The following WDR49 variants were observed in gnomAD, a reference collection of about 807,000 sequenced individuals.
WDR49 encodes WD repeat domain 49, also known as cilia- and flagella-associated protein 337.
WDR49 carries 107 observed loss-of-function variants against 119.5 expected under a neutral mutation model. The observed-to-expected ratio is 0.90, with a 90% confidence interval of 0.77 to 1.05. WDR49 has a LOEUF of 1.05. Among genes scored for constraint, WDR49 ranks in the 50% least tolerant of loss-of-function variants. The pLI is 0.00. For missense variants in WDR49, 1,240 were observed against 1,220.5 expected (o/e 1.02, Z -0.24); for synonymous variants, 425 against 418.8 (o/e 1.01, Z -0.18).
chr3:167,610,248 A>T (rs777329161), intron 5 of WDR49, among the ~76,000 whole-genome samples: 1 of 152,208 alleles, frequency 6.6e-6, no homozygotes, highest in Non-Finnish European at 1.5e-5. Context: ...AGGGTCCCCA[A>T]TTCCAAGACT....
chr3:167,634,082 T>C (rs1717503656), intron 2 of WDR49, among the ~76,000 whole-genome samples: 1 of 151,976 alleles, frequency 6.6e-6, no homozygotes, highest in African/African-American at 2.4e-5. Flanking sequence ...CCTTTATTAT[T>C]CCAGTAAACA....
chr3:167,579,529 C>T (rs1406112134), intron 7 of WDR49, among the ~76,000 whole-genome samples: 1 of 152,082 alleles, frequency 6.6e-6, no homozygotes, highest in Non-Finnish European at 1.5e-5. Flanking sequence ...TTGAACTAAC[C>T]TAGTCAGTCT....
At chr3:167,560,284 A>C in intron 8 of WDR49, 56 bp from the exon 9 acceptor site, 2 of 1,520,996 alleles carry the variant, frequency 1.3e-6, no homozygotes, top group Non-Finnish European at 1.8e-6. Flanking sequence ...TCAACCATTT[A>C]TATTTCAATA....
intron 2 of WDR49, 120 bp from the exon 3 acceptor site, chr3:167,627,412 A>G (rs1717182036): frequency 1.0e-6 from 1 of 992,560 alleles, no homozygotes; most frequent in African/African-American, 1.7e-5. Flanking sequence ...GAAAAGAAAA[A>G]TATTTTTTGC....
chr3:167,571,981 T>C (rs75419774), intron 8 of WDR49, among the ~76,000 whole-genome samples: 1,844 of 152,322 alleles, frequency 0.012, 28 homozygotes, highest in South Asian at 0.026. Flanking sequence ...AGAATCATAG[T>C]GATAACACAA....
At chr3:167,527,622 G>T (rs1752682289) in intron 15 of WDR49, among the ~76,000 whole-genome samples, 198 bp downstream of exon 15, 1 of 151,888 alleles carries the variant, frequency 6.6e-6, no homozygotes, top group South Asian at 2.1e-4. Context: ...CATGTCTCTG[G>T]TGTCTTCCAC....
At chr3:167,561,631 AG>A (rs1052562461) in intron 8 of WDR49, among the ~76,000 whole-genome samples, 2 of 152,152 alleles carry the variant, frequency 1.3e-5, no homozygotes, top group Admixed American at 1.3e-4. Flanking sequence ...GCAAGGGGCA[AG>A]TCAGGATTCA....
intron 18 of WDR49, among the ~76,000 whole-genome samples, chr3:167,488,676 G>T (rs1292066493): frequency 6.6e-6 from 1 of 152,020 alleles, no homozygotes; most frequent in Non-Finnish European, 1.5e-5. Flanking sequence ...ACAGTAGTTT[G>T]CTCAGATTAG....
At chr3:167,639,145 C>T (rs1462129944) in intron 2 of WDR49, among the ~76,000 whole-genome samples, 1 of 151,692 alleles carries the variant, frequency 6.6e-6, no homozygotes, top group Non-Finnish European at 1.5e-5. Context: ...ATAGTGCAGC[C>T]AACAGAGAAC....
At chr3:167,570,757 G>A (rs1239439675) in intron 8 of WDR49, among the ~76,000 whole-genome samples, 1 of 152,150 alleles carries the variant, frequency 6.6e-6, no homozygotes, top group Non-Finnish European at 1.5e-5. Flanking sequence ...TGATGATAAG[G>A]CCGGATGCAG....
At chr3:167,535,804 T>G (rs1396933433) in intron 11 of WDR49, among the ~76,000 whole-genome samples, 1 of 152,122 alleles carries the variant, frequency 6.6e-6, no homozygotes, top group Non-Finnish European at 1.5e-5. Flanking sequence ...GCAGCATTAT[T>G]CACAAAAGCC....
chr3:167,529,286 C>T lies in WDR49; in HGVS notation c.2219-47G>A, dbSNP rs370515020. 58 of 1,482,002 alleles carry T rather than the reference C, an allele frequency of 3.9e-5. 1 individual carries two copies. Among genetic ancestry groups the T allele is most frequent in the Middle Eastern group, 1.8e-4 (1 of 5,538 alleles). The allele number at this position is 1,482,002 out of a possible 1,614,324, so 91.8% of individuals were successfully genotyped here. ...TAACTAGAAAACTGAACAACAAATGCCAGAAATAACTTCTTCAGTGGCTTT... is the reference window on the plus strand; with the variant it reads ...TAACTAGAAAACTGAACAACAAATGTCAGAAATAACTTCTTCAGTGGCTTT... On this transcript the variant is annotated intron_variant, in intron 13 of 18. Coordinates refer to ENST00000682715, the MANE Select transcript of WDR49 (RefSeq NM_001366157.1).
chr3:167,637,157 G>C (rs1341759796), intron 2 of WDR49, among the ~76,000 whole-genome samples: 1 of 151,744 alleles, frequency 6.6e-6, no homozygotes, highest in African/African-American at 2.4e-5. Context: ...TCCATCTTCA[G>C]TTGATTTTTG....
chr3:167,535,510 C>T (rs1313989277), intron 11 of WDR49, among the ~76,000 whole-genome samples: 1 of 152,136 alleles, frequency 6.6e-6, no homozygotes, highest in Non-Finnish European at 1.5e-5. Context: ...CACTGATTAT[C>T]AGGGAAATAC....
intron 18 of WDR49, among the ~76,000 whole-genome samples, chr3:167,487,933 A>C (rs1269599347): frequency 6.6e-6 from 1 of 152,100 alleles, no homozygotes; most frequent in Non-Finnish European, 1.5e-5. Context: ...TAGGAAGGTA[A>C]ATTAGTTCAG....
intron 10 of WDR49, among the ~76,000 whole-genome samples, chr3:167,551,949 A>C (rs1169105599): frequency 6.6e-6 from 1 of 151,978 alleles, no homozygotes; most frequent in East Asian, 1.9e-4. Context: ...AGTTAAGAGA[A>C]ATGTCCTGGC....
At chr3:167,500,324 AAGACAGGG>A (rs1176010171) in intron 17 of WDR49, 25 bp from the exon 18 acceptor site, 1 of 1,603,674 alleles carries the variant, frequency 6.2e-7, no homozygotes, top group East Asian at 2.2e-5. Context: ...GTTTTAGAGG[AAGACAGGG>A]AGAAAAAGGG....
chr3:167,557,545 CT>C (rs976227851), intron 9 of WDR49, among the ~76,000 whole-genome samples: 12 of 152,134 alleles, frequency 7.9e-5, no homozygotes, highest in African/African-American at 1.2e-4. Context: ...CCTATGGAAG[CT>C]TGAGCAAGTT....
chr3:167,599,045 C>A lies in WDR49; in HGVS notation c.1275+3082G>T, dbSNP rs532849108. Among the ~76,000 whole-genome samples the A allele has an allele frequency of 2.5e-4, 38 of 152,286 alleles. No individual in the cohort carries two copies. The East Asian group carries it at 6.4e-3, about 26-fold the overall frequency. On this transcript the variant is annotated intron_variant, in intron 7 of 18. Transcript: ENST00000682715. ...TGCTGGGTCAGATATGAAGCCAGCA[C>A]AGCACTGGGTCTTGCCAAAAGCCTG...
Sources: allele counts gnomAD v4.1 joint callset (sites outside exome capture counted in the v4.1 genomes callset), GRCh38; gene constraint gnomAD v4.1.1; transcripts MANE v1.5; gene names NCBI Gene and HGNC (gene_info 2026-07-23, HGNC 2026-07-21).